ABCA13: variants seen among roughly 807,000 people sequenced by gnomAD.
The protein encoded by ABCA13 is ATP-binding cassette sub-family A member 13.
Under a neutral mutation model 478.7 loss-of-function variants are expected in ABCA13, and 476 were observed. The observed-to-expected ratio is 0.99, with a 90% CI of 0.92 to 1.07. The LOEUF is 1.07. ABCA13 is among the 50% of genes least tolerant of loss of function. ABCA13 has a pLI of 0.00. For missense variants in ABCA13, 6,060 were observed against 5,910.6 expected (o/e 1.03, Z -0.83); for synonymous variants, 2,252 against 2,158.9 (o/e 1.04, Z -1.20).
intron 31 of ABCA13, among the ~76,000 whole-genome samples, chr7:48,363,656 C>T (rs1209597670): frequency 6.6e-6 from 1 of 152,006 alleles, no homozygotes; most frequent in East Asian, 1.9e-4. Flanking sequence ...ATTTCTTGCA[C>T]CTATTTTCTA....
At position 48,475,879 on chromosome 7, in the gene ABCA13, G is replaced by T. The variant is rs373284714; in HGVS notation, c.12975+4280G>T. Among the ~76,000 whole-genome samples the T allele has an allele frequency of 2.0e-5, 3 of 152,128 alleles. No individual in the cohort carries two copies. In the East Asian group the frequency reaches 5.8e-4, roughly 29 times the overall value. On this transcript the variant is annotated intron_variant, in intron 45 of 61. Coordinates refer to ENST00000435803, the MANE Select transcript of ABCA13 (RefSeq NM_152701.5). ...TTTGGAAGCGACACCGTTAGAAAAG[G>T]CTTAAAGGGGAACAGGAATTGAGCT...
At chr7:48,471,395 A>G in intron 44 of ABCA13, 135 bp from the exon 45 acceptor site, 2 of 746,626 alleles carry the variant, frequency 2.7e-6, no homozygotes, top group Non-Finnish European at 4.4e-6. Flanking sequence ...AACAAATGTA[A>G]GAGCTCTGCC....
intron 1 of ABCA13, among the ~76,000 whole-genome samples, chr7:48,175,038 T>C (rs1794651402): frequency 1.3e-5 from 2 of 152,186 alleles, no homozygotes; most frequent in African/African-American, 2.4e-5. Flanking sequence ...AACATTGCTT[T>C]TGGGCAGGTG....
rs1402572146 is a variant in ABCA13 at position 48,234,138 on chromosome 7, C to A, written c.884C>A (p.Ala295Asp). The change falls in exon 8 of 62, where the codon GCT becomes GAT. Residue 295 changes from alanine (A) to aspartate (D), a missense_variant. By Grantham distance (126) the Ala-to-Asp change is moderately radical. Coordinates refer to ENST00000435803, the MANE Select transcript of ABCA13 (RefSeq NM_152701.5). ...LHTEQILNSS[A>D]ELKEIPTDTS... ...ACGGAACAGATCCTGAACTCTTCAG[C>A]TGAACTGAAGGAGGTACACATGCTT... 3.1e-6 allele frequency: 5 copies of A among 1,613,844 alleles called. No homozygotes were observed. The highest frequency in any genetic ancestry group is 4.2e-6 in the Non-Finnish European group (5 of 1,179,870).
At chr7:48,422,052 T>C (rs1258552228) in intron 41 of ABCA13, among the ~76,000 whole-genome samples, 4 of 30,074 alleles carry the variant, frequency 1.3e-4, no homozygotes, top group Non-Finnish European at 2.5e-4. Context: ...GGTGTCTTTC[T>C]TACAAAAAAA....
intron 58 of ABCA13, among the ~76,000 whole-genome samples, chr7:48,614,548 G>A (rs1792356819): frequency 6.6e-6 from 1 of 150,914 alleles, no homozygotes; most frequent in Non-Finnish European, 1.5e-5. Context: ...TATACCCAAA[G>A]GACTATAAAT....
At chr7:48,553,344 A>G (rs1785500543) in intron 55 of ABCA13, among the ~76,000 whole-genome samples, 1 of 151,998 alleles carries the variant, frequency 6.6e-6, no homozygotes, top group Non-Finnish European at 1.5e-5. Flanking sequence ...TGAGATTGCT[A>G]GGTCCTTTGG....
intron 26 of ABCA13, among the ~76,000 whole-genome samples, chr7:48,315,033 T>TG (rs1418258127): frequency 6.6e-6 from 1 of 152,234 alleles, no homozygotes; most frequent in Non-Finnish European, 1.5e-5. Context: ...GGTGAGGTTT[T>TG]GGAGTTTAGA....
chr7:48,561,794 A>G (rs541122760), intron 55 of ABCA13, among the ~76,000 whole-genome samples: 1 of 151,392 alleles, frequency 6.6e-6, no homozygotes, highest in South Asian at 2.1e-4. Context: ...CTAAAAAATC[A>G]TTGCCCAGAC....
At chr7:48,385,049 A>G (rs917751516) in intron 35 of ABCA13, among the ~76,000 whole-genome samples, 1 of 152,212 alleles carries the variant, frequency 6.6e-6, no homozygotes, top group Admixed American at 6.5e-5. Flanking sequence ...ACTTCAACAT[A>G]TGAAACCTGC....
chr7:48,335,575 C>T (rs1234116170), intron 28 of ABCA13, 40 bp downstream of exon 28: 8 of 1,530,694 alleles, frequency 5.2e-6, no homozygotes, highest in Non-Finnish European at 7.2e-6. Flanking sequence ...TGGGGAGCTA[C>T]TGCTAGGGCA....
At position 48,204,540 on chromosome 7, in the gene ABCA13, C is replaced by T. The variant is rs36010716; in HGVS notation, c.287+6180C>T. Among the ~76,000 whole-genome samples, 1,419 of 152,258 alleles carry T rather than the reference C, an allele frequency of 9.3e-3. 10 individuals carry two copies. The highest frequency in any genetic ancestry group is 0.014 in the Non-Finnish European group (934 of 68,006). ...CTTGTTTCTTAAATGGCTTTCCTGA[C>T]ATGGAGACGTAACAGCATTAGATTC... On this transcript the variant is annotated intron_variant, in intron 3 of 61. Transcript: ENST00000435803.
intron 47 of ABCA13, among the ~76,000 whole-genome samples, chr7:48,484,645 C>A (rs2130602349): frequency 6.6e-6 from 1 of 152,338 alleles, no homozygotes; most frequent in South Asian, 2.1e-4. Flanking sequence ...GTTCTCCTCA[C>A]ATCTCTAACT....
intron 10 of ABCA13, among the ~76,000 whole-genome samples, chr7:48,243,811 T>C (rs750869152): frequency 5.3e-5 from 8 of 152,226 alleles, no homozygotes; most frequent in Non-Finnish European, 8.8e-5. Context: ...GGGCTTCAAG[T>C]AGCTACATCT....
chr7:48,626,355 A>G (rs747755112), intron 59 of ABCA13, among the ~76,000 whole-genome samples: 22 of 152,168 alleles, frequency 1.4e-4, no homozygotes, highest in Non-Finnish European at 3.1e-4. Context: ...CCAGCTAATC[A>G]ACTATGAATG....
chr7:48,584,491 T>A (rs1379341516), intron 56 of ABCA13, among the ~76,000 whole-genome samples: 1 of 152,182 alleles, frequency 6.6e-6, no homozygotes, highest in Admixed American at 6.5e-5. Context: ...GTCCCAAAGC[T>A]GTGTACATTA....
At chr7:48,172,129 A>G (rs1316633828) in intron 1 of ABCA13, among the ~76,000 whole-genome samples, 4 of 152,236 alleles carry the variant, frequency 2.6e-5, no homozygotes, top group Non-Finnish European at 5.9e-5. Context: ...GTGAATACTT[A>G]TGCAAATATC....
At position 48,279,046 on chromosome 7, in the gene ABCA13, T is replaced by C. The variant is rs774091031; in HGVS notation, c.7852T>C (p.Ser2618Pro). Reference protein sequence around the residue: ...ISSNSDIFSMSPSILSYMNQS... With the variant: ...ISSNSDIFSMPPSILSYMNQS... ...ATCAAACTCTGATATTTTCAGTATG[T>C]CACCTAGCATACTCTCATATATGAA... The change falls in exon 18 of 62, where the codon TCA becomes CCA. Residue 2618 changes from serine to proline, a missense_variant. Ser to Pro is a moderately conservative substitution (Grantham distance 74). Transcript: ENST00000435803. 16 of 1,613,142 alleles carry C rather than the reference T, an allele frequency of 9.9e-6. No homozygotes were observed. Among genetic ancestry groups the C allele is most frequent in the Non-Finnish European group, 1.3e-5 (15 of 1,179,766 alleles).
chr7:48,542,877 A>G (rs1454074404), intron 55 of ABCA13, among the ~76,000 whole-genome samples: 1 of 151,784 alleles, frequency 6.6e-6, no homozygotes, highest in Non-Finnish European at 1.5e-5. Context: ...TTTTTCAAAA[A>G]GAATAGGTTG....
Sources: gnomAD v4.1 joint callset for allele counts (sites outside exome capture counted in the v4.1 genomes callset) on GRCh38, gnomAD v4.1.1 for gene constraint, MANE v1.5 for transcripts, NCBI Gene and HGNC (gene_info 2026-07-23, HGNC 2026-07-21) for gene names.